The following DUSP16 variants were observed in gnomAD, a reference collection of about 807,000 sequenced individuals.
DUSP16 encodes the protein dual specificity protein phosphatase 16.
In DUSP16, 21 loss-of-function variants were observed where a neutral mutation model predicts 58.3. The ratio of observed to expected loss-of-function variants is 0.36; its 90% CI spans 0.26 to 0.52. The LOEUF is 0.52. Ranked by LOEUF, DUSP16 falls within the 20% of genes least tolerant of loss-of-function variation. The pLI, the probability that DUSP16 is intolerant of heterozygous loss-of-function variation, is 0.94. For synonymous variants in DUSP16, 320 were observed against 323.8 expected (o/e 0.99, Z 0.12); for missense variants, 726 against 819.0 (o/e 0.89, Z 1.39).
chr12:12,506,244 G>C (rs564256471), intron 3 of DUSP16: 2 of 152,058 alleles, frequency 1.3e-5, no homozygotes, highest in African/African-American at 4.8e-5. Context: ...TCTTCCTTTC[G>C]TAAGTTCTCT....
Position 12,477,356 on chromosome 12 carries a change from C to A in DUSP16, c.1475G>T (p.Ser492Ile), listed in dbSNP as rs1422840708. 6.2e-7 allele frequency: 1 copy of A among 1,614,184 alleles called. No individual in the cohort carries two copies. The highest frequency in any genetic ancestry group is 1.7e-5 in the Admixed American group (1 of 60,028). The change falls in exon 7 of 7, where the codon AGT becomes ATT. Residue 492 changes from serine (S) to isoleucine (I), a missense_variant. Ser to Ile is a moderately radical substitution (Grantham distance 142). Coordinates refer to ENST00000298573, the MANE Select transcript of DUSP16 (RefSeq NM_030640.3). This position sits in a 1 kb window ranked among gnomAD's most constrained non-coding sequence, Gnocchi z 4.1. ...KRLHSVRTSS[S>I]GTAQRSLLSP... is the part of the protein sequence containing the mutation. ...TAAAAGGGACCTCTGGGCGGTGCCA[C>A]TGCTGCTGGTTCTGACCGAATGCAA...
chr12:12,521,268 T>C lies in DUSP16; in HGVS notation c.-170A>G, dbSNP rs1455947061. 5 of 1,443,460 alleles carry C rather than the reference T, an allele frequency of 3.5e-6. No individual in the cohort carries two copies. Among genetic ancestry groups the C allele is most frequent in the Non-Finnish European group, 3.6e-6 (4 of 1,102,916 alleles). The allele number at this position is 1,443,460 out of a possible 1,614,324, so 89.4% of individuals were successfully genotyped here. A position where few individuals can be genotyped will look rare whatever the true frequency, so the allele number is the denominator to read the frequency against. On this transcript the variant is annotated 5_prime_UTR_variant, in exon 2 of 7. Transcript: ENST00000298573. ...CCATTTTCAGCAAGAGCCCTCCAAG[T>C]GAATGTCTCTTTCTCTTTCCCGTTG...
chr12:12,549,072 A>G, intron 1 of DUSP16, among the ~76,000 whole-genome samples: 1 of 152,194 alleles, frequency 6.6e-6, no homozygotes. Flanking sequence ...ATAAAAATAC[A>G]ATTAGTCTTT....
At chr12:12,547,212 T>C (rs1191172268) in intron 1 of DUSP16, among the ~76,000 whole-genome samples, 25 of 152,060 alleles carry the variant, frequency 1.6e-4, no homozygotes. Flanking sequence ...GTGGATCACC[T>C]GAGGTCAGGA....
chr12:12,549,885 G>A (rs1239628198), intron 1 of DUSP16, among the ~76,000 whole-genome samples: 1 of 151,960 alleles, frequency 6.6e-6, no homozygotes, highest in Non-Finnish European at 1.5e-5. Context: ...GATGTTATAT[G>A]ACCTTCCACC....
rs1943690738 is a variant in DUSP16 at position 12,486,746 on chromosome 12, AT to A, written c.691+281del. On this transcript the variant is annotated intron_variant, in intron 5 of 6. Transcript: ENST00000298573. ...GAATTTAACCCTAAAAGCTTAACTG[AT>A]TTTCAAACACCTGCAAATACATAAT... Among the ~76,000 whole-genome samples, 3 of 152,308 alleles carry A rather than the reference AT, an allele frequency of 2.0e-5. No individual in the cohort carries two copies. The South Asian group carries it at 6.2e-4, about 32-fold the overall frequency.
intron 1 of DUSP16, among the ~76,000 whole-genome samples, chr12:12,552,228 T>A (rs1411115001): frequency 1.3e-5 from 2 of 151,988 alleles, no homozygotes; most frequent in Non-Finnish European, 2.9e-5. Flanking sequence ...AGCGGATCAC[T>A]TGGGGTCGGG....
At chr12:12,517,382 CCT>C (rs1336571250) in intron 3 of DUSP16, among the ~76,000 whole-genome samples, 1 of 152,202 alleles carries the variant, frequency 6.6e-6, no homozygotes, top group East Asian at 1.9e-4. Flanking sequence ...TACAGTAGCC[CCT>C]GTGAGAAACT....
intron 1 of DUSP16, among the ~76,000 whole-genome samples, chr12:12,522,142 GC>G (rs1944247431): frequency 1.3e-5 from 2 of 152,178 alleles, no homozygotes; most frequent in Non-Finnish European, 1.5e-5. Flanking sequence ...GCTGAGCTAG[GC>G]CTGTGAAGTG....
At chr12:12,517,668 G>A (rs1944173580) in intron 3 of DUSP16, among the ~76,000 whole-genome samples, 1 of 152,148 alleles carries the variant, frequency 6.6e-6, no homozygotes, top group Non-Finnish European at 1.5e-5. Context: ...CCCTCTCTTA[G>A]GTGTCACAAG....
chr12:12,521,375 C>A lies in DUSP16; in HGVS notation c.-277G>T. On this transcript the variant is annotated 5_prime_UTR_variant, in exon 2 of 7. Transcript: ENST00000298573. ...AGAGATGACTGGAATAACCATTCCACAACAAAAGATGCTTTGGAGCAGCCA... is the reference window on the plus strand; with the variant it reads ...AGAGATGACTGGAATAACCATTCCAAAACAAAAGATGCTTTGGAGCAGCCA... 4 of 1,318,822 alleles carry A rather than the reference C, an allele frequency of 3.0e-6. No homozygotes were observed. The South Asian group carries it at 6.8e-5, about 22-fold the overall frequency. 81.7% of individuals were successfully genotyped at this position (1,318,822 alleles called of 1,614,324 possible).
At chr12:12,491,429 G>A (rs1016489891) in intron 4 of DUSP16, 8 of 151,992 alleles carry the variant, frequency 5.3e-5, no homozygotes, top group Non-Finnish European at 1.2e-4. Flanking sequence ...GTGGAATAAG[G>A]ATTGCTTTTA....
intron 1 of DUSP16, among the ~76,000 whole-genome samples, chr12:12,558,794 G>GT (rs1206087054): frequency 1.6e-4 from 12 of 73,000 alleles, no homozygotes; most frequent in African/African-American, 4.1e-4. Flanking sequence ...TGTTGCTGAG[G>GT]TATCAGAGGG....
Position 12,474,475 on chromosome 12 carries a change from C to T in DUSP16, c.*2358G>A, listed in dbSNP as rs736106. On this transcript the variant is annotated 3_prime_UTR_variant, in exon 7 of 7. Transcript: ENST00000298573. ...CACCATCTGTATCACCCCTAGTAGACGCGAGGGTTTCCCCAATTACATGCT... is the reference window on the plus strand; with the variant it reads ...CACCATCTGTATCACCCCTAGTAGATGCGAGGGTTTCCCCAATTACATGCT... 9.2e-5 allele frequency: 14 copies of T among 152,038 alleles called. No individual in the cohort carries two copies. Among genetic ancestry groups the T allele is most frequent in the African/African-American group, 3.1e-4 (13 of 41,414 alleles). 9.4% of individuals were successfully genotyped at this position (152,038 alleles called of 1,614,324 possible).
At chr12:12,549,337 T>A (rs918316111) in intron 1 of DUSP16, among the ~76,000 whole-genome samples, 2 of 152,128 alleles carry the variant, frequency 1.3e-5, no homozygotes, top group Non-Finnish European at 2.9e-5. Context: ...TTCAATTATA[T>A]GTGCATCTCC....
chr12:12,556,577 A>C (rs1050729000), intron 1 of DUSP16, among the ~76,000 whole-genome samples: 17 of 151,852 alleles, frequency 1.1e-4, no homozygotes, highest in Non-Finnish European at 4.4e-5. Flanking sequence ...CCCATCTTTA[A>C]TTAAAAAAAA....
rs149627091 is a variant in DUSP16 at position 12,484,783 on chromosome 12, G to A, written c.691+2245C>T. On this transcript the variant is annotated intron_variant, in intron 5 of 6. Transcript: ENST00000298573. ...ATTACAGGTGCCCGCCACCATGCCCGACTAATTTTTATATTTTTAGTAGAG... is the reference window on the plus strand; with the variant it reads ...ATTACAGGTGCCCGCCACCATGCCCAACTAATTTTTATATTTTTAGTAGAG... 6.4e-3 allele frequency among the ~76,000 whole-genome samples: 976 copies of A among 151,448 alleles called. 10 individuals are homozygous for A. The highest frequency in any genetic ancestry group is 0.022 in the African/African-American group (914 of 41,278).
At chr12:12,481,093 T>C (rs1943555885) in intron 5 of DUSP16, among the ~76,000 whole-genome samples, 1 of 152,150 alleles carries the variant, frequency 6.6e-6, no homozygotes, top group African/African-American at 2.4e-5. Context: ...AAGAAAACCT[T>C]GTATAGGCTA....
At chr12:12,502,742 G>C (rs1943928051) in intron 3 of DUSP16, among the ~76,000 whole-genome samples, 1 of 151,836 alleles carries the variant, frequency 6.6e-6, no homozygotes, top group South Asian at 2.1e-4. Context: ...GTAGAGACGG[G>C]GTTTCTCCAT....
Sources: allele counts gnomAD v4.1 joint callset (sites outside exome capture counted in the v4.1 genomes callset), GRCh38; gene constraint gnomAD v4.1.1; non-coding constraint Gnocchi (gnomAD v3.1); transcripts MANE v1.5; gene names NCBI Gene and HGNC (gene_info 2026-07-23, HGNC 2026-07-21).